Variants in TNRC18 observed in about 807,000 individuals in gnomAD.
The protein encoded by TNRC18 is trinucleotide repeat-containing gene 18 protein.
Under a neutral mutation model 226.7 loss-of-function variants are expected in TNRC18, and 69 were observed. The observed-to-expected ratio is 0.30, with a 90% confidence interval of 0.25 to 0.37. TNRC18 has a LOEUF of 0.37. Ranked by LOEUF, TNRC18 falls within the 10% of genes least tolerant of loss-of-function variation. The pLI is 1.00. For missense variants in TNRC18, 4,754 were observed against 4,256.6 expected (o/e 1.12, Z -3.25); for synonymous variants, 2,449 against 1,927.6 (o/e 1.27, Z -7.09).
At chr7:5,364,532 G>A (rs1355038990) in intron 11 of TNRC18, among the ~76,000 whole-genome samples, 24 of 148,230 alleles carry the variant, frequency 1.6e-4, no homozygotes, top group Admixed American at 1.6e-3. Flanking sequence ...GGCTGGGCAC[G>A]GTGGCTCATG....
chr7:5,376,410 C>T (rs1460849518), intron 8 of TNRC18, among the ~76,000 whole-genome samples, 186 bp from the exon 9 acceptor site: 2 of 152,314 alleles, frequency 1.3e-5, no homozygotes, highest in East Asian at 3.9e-4. Flanking sequence ...CACGTGTGCA[C>T]CCCAGGCCCG....
Position 5,359,580 on chromosome 7 carries a change from G to C in TNRC18, c.4662-11C>G, listed in dbSNP as rs1265714127. On this transcript the variant is annotated splice_polypyrimidine_tract_variant and intron_variant, in intron 14 of 29. Transcript: ENST00000430969. ...GACTTGCTGCTCAGCCTGAAACGCA[G>C]ACACACTGCCGGTCAGCACCCTGGC... is the stretch of plus-strand genomic sequence containing the variant. The C allele has an allele frequency of 6.2e-7, 1 of 1,613,404 alleles. No individual in the cohort carries two copies. Among genetic ancestry groups the C allele is most frequent in the Non-Finnish European group, 8.5e-7 (1 of 1,179,898 alleles).
At chr7:5,345,517 G>GGGGGGCCGCCCCCCCC in intron 18 of TNRC18, 45 bp downstream of exon 18, 1 of 377,744 alleles carries the variant, frequency 2.6e-6, no homozygotes, top group Non-Finnish European at 4.8e-6. Flanking sequence ...AATGGCGTCC[G>GGGGGGCCGCCCCCCCC]CCCCTCCCAC....
In TNRC18 at chr7:5,325,949, G is replaced by T. The variant is rs149632479; in HGVS notation, c.6148-701C>A. On this transcript the variant is annotated intron_variant, in intron 19 of 29. Transcript: ENST00000430969. Reference sequence around the variant, plus strand: ...GGGTCTTGCTATGTTGCCCAGGCTGGTCTCAAACTCCTGGTCTCAAGCAAT... The same window carrying T: ...GGGTCTTGCTATGTTGCCCAGGCTGTTCTCAAACTCCTGGTCTCAAGCAAT... 2.1e-3 allele frequency among the ~76,000 whole-genome samples: 319 copies of T among 150,950 alleles called. 1 individual carries two copies. The highest frequency in any genetic ancestry group is 7.5e-3 in the African/African-American group (308 of 41,062).
intron 5 of TNRC18, among the ~76,000 whole-genome samples, chr7:5,384,546 C>T (rs190648267): frequency 3.3e-5 from 5 of 150,558 alleles, no homozygotes; most frequent in African/African-American, 1.2e-4. Flanking sequence ...CACAAACACA[C>T]GCACAGCCTC....
intron 11 of TNRC18, among the ~76,000 whole-genome samples, chr7:5,369,425 G>T (rs1793941733): frequency 6.6e-6 from 1 of 152,168 alleles, no homozygotes; most frequent in Non-Finnish European, 1.5e-5. Flanking sequence ...TTTTGCCAAA[G>T]CTAGCAAGAA....
chr7:5,322,043 G>A (rs1788423580), intron 21 of TNRC18, among the ~76,000 whole-genome samples: 1 of 151,894 alleles, frequency 6.6e-6, no homozygotes, highest in Non-Finnish European at 1.5e-5. Context: ...ACTTTGGGAG[G>A]CTGAGGCGGG....
Position 5,370,978 on chromosome 7 carries a change from G to C in TNRC18, c.3616C>G (p.Leu1206Val). Residue 1206 changes from leucine to valine, a missense_variant, in exon 11 of 30, where the codon CTG becomes GTG. Leu to Val is a conservative substitution (Grantham distance 32). Coordinates refer to ENST00000430969, the MANE Select transcript of TNRC18 (RefSeq NM_001080495.3). Reference protein sequence around the residue: ...CGGGLLEAQALSATGQSCAEP... With the variant: ...CGGGLLEAQAVSATGQSCAEP... ...GCGCAGCTCTGCCCGGTGGCACTCAGCGCCTGGGCCTCCAACAGGCCACCT... is the reference window on the plus strand; with the variant it reads ...GCGCAGCTCTGCCCGGTGGCACTCACCGCCTGGGCCTCCAACAGGCCACCT... 2 of 1,605,992 alleles carry C rather than the reference G, an allele frequency of 1.2e-6. No individual in the cohort carries two copies. The highest frequency in any genetic ancestry group is 1.7e-6 in the Non-Finnish European group (2 of 1,179,724).
intron 17 of TNRC18, among the ~76,000 whole-genome samples, chr7:5,351,606 A>T (rs1320486435): frequency 6.6e-6 from 1 of 152,190 alleles, no homozygotes; most frequent in Admixed American, 6.5e-5. Flanking sequence ...TATCACAATG[A>T]TACAGTACAA....
chr7:5,341,762 C>CAAAAA (rs34897154), intron 18 of TNRC18, among the ~76,000 whole-genome samples: 1 of 92,236 alleles, frequency 1.1e-5, no homozygotes. Flanking sequence ...GACTCCGTCT[C>CAAAAA]AAAAAAAAAA....
Position 5,312,449 on chromosome 7 carries a change from G to C in TNRC18, c.8388+54C>G, listed in dbSNP as rs996568983. The C allele has an allele frequency of 4.4e-6, 7 of 1,589,326 alleles. No homozygotes were observed. The highest frequency in any genetic ancestry group is 6.0e-6 in the Non-Finnish European group (7 of 1,171,606). On this transcript the variant is annotated intron_variant, in intron 27 of 29. Coordinates refer to ENST00000430969, the MANE Select transcript of TNRC18 (RefSeq NM_001080495.3). The surrounding 1 kb of genome is among the most constrained non-coding windows in gnomAD (Gnocchi z 6.3). Reference sequence around the variant, plus strand: ...ACAGCATGAAGCCGTGGGCCCAGCAGAGAGACACAAGGCCCCCGGCCCCTC... The same window carrying C: ...ACAGCATGAAGCCGTGGGCCCAGCACAGAGACACAAGGCCCCCGGCCCCTC...
chr7:5,352,187 G>C, intron 16 of TNRC18, 93 bp from the exon 17 acceptor site: 1 of 1,332,850 alleles, frequency 7.5e-7, no homozygotes, highest in Non-Finnish European at 1.0e-6. Context: ...GAACGTACTG[G>C]AAGGTGCCAG....
Position 5,389,461 on chromosome 7 carries a change from G to GTTTTTTTGTTTTTTTTTTGTTTGTT in TNRC18, c.488-126_488-125insAACAAACAAAAAAAAAACAAAAAAA, listed in dbSNP as rs1554297477. The stretch of plus-strand genomic sequence containing the variant: ...TGCCTCCCCCAGTGTTTTGGTTTTG[G>GTTTTTTTGTTTTTTTTTTGTTTGTT]TTTTTTTTTTCAGAAAGAGTCTCGC... On this transcript the variant is annotated intron_variant, in intron 4 of 29. Transcript: ENST00000430969. 3.0e-4 allele frequency: 169 copies of GTTTTTTTGTTTTTTTTTTGTTTGTT among 565,560 alleles called. 4 individuals carry two copies. In the East Asian group the frequency reaches 0.012, roughly 39 times the overall value. The allele number at this position is 565,560 out of a possible 1,614,324, so 35.0% of individuals were successfully genotyped here. A position where few individuals can be genotyped will look rare whatever the true frequency, so the allele number is the denominator to read the frequency against.
At chr7:5,331,506 A>C (rs1789515668) in intron 19 of TNRC18, among the ~76,000 whole-genome samples, 1 of 152,242 alleles carries the variant, frequency 6.6e-6, no homozygotes. Flanking sequence ...GGAGGCCACA[A>C]ACCACAAAAG....
Position 5,313,882 on chromosome 7 carries a change from G to A in TNRC18, c.7028-19C>T, listed in dbSNP as rs1787567728. 2 of 1,434,708 alleles carry A rather than the reference G, an allele frequency of 1.4e-6. No individual in the cohort carries two copies. The highest frequency in any genetic ancestry group is 1.4e-5 in the African/African-American group (1 of 69,532). 88.9% of individuals were successfully genotyped at this position (1,434,708 alleles called of 1,614,324 possible). ...GCTCTGTCTGCAAAACAAAACAGATGAGAAGCTGGGGCGGGGGCTTCCTGG... is the reference window on the plus strand; with the variant it reads ...GCTCTGTCTGCAAAACAAAACAGATAAGAAGCTGGGGCGGGGGCTTCCTGG... On this transcript the variant is annotated intron_variant, in intron 26 of 29. Transcript: ENST00000430969.
At chr7:5,420,764 C>G (rs780763001) in intron 2 of TNRC18, 1 of 638,532 alleles carries the variant, frequency 1.6e-6, no homozygotes, top group Admixed American at 2.1e-5. Context: ...AGCCCAGGCT[C>G]GTGCCGCCGG....
chr7:5,383,128 C>G (rs1779514212), intron 5 of TNRC18, among the ~76,000 whole-genome samples: 1 of 152,162 alleles, frequency 6.6e-6, no homozygotes, highest in Non-Finnish European at 1.5e-5. Flanking sequence ...TCTCCCAACT[C>G]CTGAGCTCAA....
Position 5,362,640 on chromosome 7 carries a change from A to G in TNRC18, c.4395+10T>C. 1 of 1,549,404 alleles carries G rather than the reference A, an allele frequency of 6.5e-7. No individual in the cohort carries two copies. Among genetic ancestry groups the G allele is most frequent in the Non-Finnish European group, 8.7e-7 (1 of 1,145,450 alleles). ...CGCGGACCCCAGGGAGGAAGCAGCC[A>G]GCCGCTCACCCGCTCCTCCTTCTTG... On this transcript the variant is annotated intron_variant, in intron 12 of 29. Transcript: ENST00000430969.
intron 18 of TNRC18, among the ~76,000 whole-genome samples, chr7:5,337,773 A>T (rs962948213): frequency 6.6e-6 from 1 of 152,094 alleles, no homozygotes; most frequent in South Asian, 2.1e-4. Flanking sequence ...TCATGAGCTC[A>T]GGAGTTCAAG....
Sources: gnomAD v4.1 joint callset for allele counts (sites outside exome capture counted in the v4.1 genomes callset) on GRCh38, gnomAD v4.1.1 for gene constraint, Gnocchi (gnomAD v3.1) non-coding constraint, MANE v1.5 for transcripts, NCBI Gene and HGNC (gene_info 2026-07-23, HGNC 2026-07-21) for gene names.